PTPRT: variants seen among roughly 807,000 people sequenced by gnomAD.
PTPRT encodes the protein receptor-type tyrosine-protein phosphatase T.
In PTPRT, 56 loss-of-function variants were observed where a neutral mutation model predicts 176.8. The ratio of observed to expected loss-of-function variants is 0.32; its 90% CI spans 0.26 to 0.40. The LOEUF (loss-of-function observed/expected upper bound fraction) is 0.40. PTPRT is among the 10% of genes least tolerant of loss of function. PTPRT has a pLI of 1.00. For synonymous variants in PTPRT, 783 were observed against 739.0 expected, an observed-to-expected ratio of 1.06 and a Z score of -0.96; for missense variants, 1,540 against 1,908.2, an observed-to-expected ratio of 0.81 and a Z score of 3.60.
At chr20:43,139,924 G>A (rs1356817306) in intron 1 of PTPRT, among the ~76,000 whole-genome samples, 1 of 152,182 alleles carries the variant, frequency 6.6e-6, no homozygotes, top group African/African-American at 2.4e-5. Context: ...CCACAAAACA[G>A]AAGCAATATT....
rs561403243 is a variant in PTPRT, at chr20:43,066,467, A to G, written c.88+123179T>C. On this transcript the variant is annotated intron_variant, in intron 1 of 30. Coordinates refer to ENST00000373187, the MANE Select transcript of PTPRT (RefSeq NM_007050.6). ...ATAAGCATTTCTCAGACTCCCTAAC[A>G]CTGGTGCAGGAATAAGTCGGTATGC... 1.7e-3 allele frequency among the ~76,000 whole-genome samples: 253 copies of G among 152,298 alleles called. 1 individual carries two copies. The highest frequency in any genetic ancestry group is 5.8e-3 in the African/African-American group (241 of 41,570).
chr20:43,083,347 T>TATATACATATATATATATATATATATAC (rs2011506644), intron 1 of PTPRT, among the ~76,000 whole-genome samples: 1 of 97,786 alleles, frequency 1.0e-5, no homozygotes, highest in Non-Finnish European at 2.1e-5. Flanking sequence ...TATATATATA[T>TATATACATATATATATATATATATATAC]ATATATATAT....
chr20:42,457,855 T>A (rs1177319870), intron 8 of PTPRT, among the ~76,000 whole-genome samples: 3 of 152,152 alleles, frequency 2.0e-5, no homozygotes, highest in Non-Finnish European at 4.4e-5. Flanking sequence ...CTGAAGCCCC[T>A]TTTCTTGTTT....
chr20:42,388,043 C>T (rs183062808), intron 9 of PTPRT, among the ~76,000 whole-genome samples: 113 of 152,250 alleles, frequency 7.4e-4, no homozygotes, highest in Non-Finnish European at 1.3e-3. Context: ...CCCACCTTGG[C>T]CTCCCAAAGT....
At chr20:42,578,798 T>G (rs930918853) in intron 7 of PTPRT, among the ~76,000 whole-genome samples, 3 of 151,750 alleles carry the variant, frequency 2.0e-5, no homozygotes, top group Non-Finnish European at 4.4e-5. Context: ...TGCAAGCAAC[T>G]CATCTTACTC....
chr20:42,621,912 A>G (rs2074204222), intron 7 of PTPRT, among the ~76,000 whole-genome samples: 1 of 133,922 alleles, frequency 7.5e-6, no homozygotes, highest in East Asian at 2.0e-4. Context: ...TGGACTTAGG[A>G]AGGGCAAAGA....
At chr20:42,481,802 A>G (rs76390960) in intron 7 of PTPRT, among the ~76,000 whole-genome samples, 18,521 of 145,966 alleles carry the variant, frequency 0.13, 1,183 homozygotes, top group East Asian at 0.21. Flanking sequence ...ACACACACAC[A>G]CACGCGCGCA....
intron 4 of PTPRT, among the ~76,000 whole-genome samples, chr20:42,776,913 T>C (rs2077145683): frequency 6.6e-6 from 1 of 151,652 alleles, no homozygotes; most frequent in South Asian, 2.1e-4. Flanking sequence ...TTATTTGTTT[T>C]GCTTCAGCCT....
rs187537962 is a variant in PTPRT, at chr20:42,110,325, T to C, written c.3254+8A>G. 5.5e-4 allele frequency: 881 copies of C among 1,600,492 alleles called. No individual in the cohort carries two copies. Among genetic ancestry groups the C allele is most frequent in the Non-Finnish European group, 7.3e-4 (856 of 1,171,108 alleles). ...TCGGCCTCCCAAGGTGAAGGACCTT[T>C]GACTTACCTGCAGTGGACCACTATG... On this transcript the variant is annotated splice_region_variant and intron_variant, in intron 23 of 30. Coordinates refer to ENST00000373187, the MANE Select transcript of PTPRT (RefSeq NM_007050.6).
chr20:43,106,666 G>GAAAAAAAAAAAAAAAAAAAAAAA (rs71193676), intron 1 of PTPRT, among the ~76,000 whole-genome samples: 1 of 87,002 alleles, frequency 1.1e-5, no homozygotes, highest in African/African-American at 4.7e-5. Flanking sequence ...CTCAAAAAAA[G>GAAAAAAAAAAAAAAAAAAAAAAA]AAAAAAAAAA....
intron 7 of PTPRT, among the ~76,000 whole-genome samples, chr20:42,489,078 GTTTTA>G (rs751340714): frequency 1.4e-5 from 2 of 139,072 alleles, no homozygotes; most frequent in South Asian, 2.3e-4. Context: ...GATTCTCAAG[GTTTTA>G]TTTTATTTTT....
At chr20:42,364,448 A>C (rs1395103671) in intron 9 of PTPRT, among the ~76,000 whole-genome samples, 1 of 152,156 alleles carries the variant, frequency 6.6e-6, no homozygotes, top group Non-Finnish European at 1.5e-5. Flanking sequence ...ATTCGCCCCT[A>C]CTTACTATGA....
chr20:43,155,008 C>G (rs1215162552), intron 1 of PTPRT, among the ~76,000 whole-genome samples: 1 of 152,102 alleles, frequency 6.6e-6, no homozygotes, highest in Non-Finnish European at 1.5e-5. Context: ...GAGATATCAT[C>G]TCACTCCGTT....
In PTPRT at chr20:42,728,618, G is replaced by A. The variant is rs547788172; in HGVS notation, c.859+27844C>T. Among the ~76,000 whole-genome samples, 4 of 152,128 alleles carry A rather than the reference G, an allele frequency of 2.6e-5. No individual in the cohort carries two copies. In the South Asian group the frequency reaches 6.2e-4, roughly 24 times the overall value. On this transcript the variant is annotated intron_variant, in intron 6 of 30. Transcript: ENST00000373187. ...CATTTAATCCTCAGAATCTTCTAAG[G>A]TAAAGCCATTGTTCCTACACGACAG...
chr20:42,808,137 C>T (rs1354810968), intron 2 of PTPRT, among the ~76,000 whole-genome samples: 1 of 152,192 alleles, frequency 6.6e-6, no homozygotes, highest in African/African-American at 2.4e-5. Context: ...ATTTTAGCTC[C>T]CCGTGGAGTT....
intron 6 of PTPRT, among the ~76,000 whole-genome samples, chr20:42,726,828 A>G (rs987685835): frequency 6.6e-6 from 1 of 152,132 alleles, no homozygotes; most frequent in African/African-American, 2.4e-5. Context: ...TATACTTTGG[A>G]GACTGATGAG....
intron 1 of PTPRT, among the ~76,000 whole-genome samples, chr20:42,963,815 T>C (rs1272845025): frequency 1.3e-5 from 2 of 152,174 alleles, no homozygotes; most frequent in Admixed American, 1.3e-4. Flanking sequence ...TAAATTTAGA[T>C]ACATACTTAA....
intron 13 of PTPRT, among the ~76,000 whole-genome samples, chr20:42,273,736 T>G (rs932797603): frequency 6.6e-6 from 1 of 152,278 alleles, no homozygotes; most frequent in East Asian, 1.9e-4. Context: ...TTTCACTCAC[T>G]AGCTGTGTCA....
chr20:42,675,949 C>G (rs1189645623), intron 7 of PTPRT, among the ~76,000 whole-genome samples: 2 of 152,224 alleles, frequency 1.3e-5, no homozygotes, highest in Non-Finnish European at 1.5e-5. Context: ...TTAGACGTCT[C>G]TGATTTTATA....
Sources: allele counts gnomAD v4.1 joint callset (sites outside exome capture counted in the v4.1 genomes callset), GRCh38; gene constraint gnomAD v4.1.1; transcripts MANE v1.5; gene names NCBI Gene and HGNC (gene_info 2026-07-23, HGNC 2026-07-21).